STK39: variants seen among roughly 807,000 people sequenced by gnomAD.
The protein encoded by STK39 is STE20/SPS1-related proline-alanine-rich protein kinase.
A neutral mutation model predicts 77.8 loss-of-function variants in STK39; 20 were observed. The ratio of observed to expected loss-of-function variants is 0.26; its 90% CI spans 0.18 to 0.37. The LOEUF (loss-of-function observed/expected upper bound fraction) is 0.37. Among genes scored for constraint, STK39 ranks in the 10% least tolerant of loss-of-function variants. STK39 has a pLI of 1.00. For missense variants in STK39, 479 were observed against 656.5 expected (o/e 0.73, Z 2.95); for synonymous variants, 246 against 234.1 (o/e 1.05, Z -0.47).
At chr2:168,171,852 C>T (rs1414162341) in intron 2 of STK39, among the ~76,000 whole-genome samples, 1 of 110,156 alleles carries the variant, frequency 9.1e-6, no homozygotes, top group African/African-American at 4.4e-5. Context: ...ACGCCCCCCC[C>T]ACTCCCCCCT....
chr2:168,228,695 C>A (rs1690369457), intron 1 of STK39, among the ~76,000 whole-genome samples: 1 of 152,106 alleles, frequency 6.6e-6, no homozygotes, highest in Admixed American at 6.5e-5. Context: ...GAGGCTGAGG[C>A]AGGAGAATCA....
At chr2:168,134,504 C>A in intron 8 of STK39, among the ~76,000 whole-genome samples, 1 of 137,822 alleles carries the variant, frequency 7.3e-6, no homozygotes, top group South Asian at 2.3e-4. Flanking sequence ...ACATCATCCC[C>A]CTTGTTGCAA....
intron 16 of STK39, among the ~76,000 whole-genome samples, chr2:167,991,811 A>C (rs995409800): frequency 3.1e-4 from 47 of 152,118 alleles, no homozygotes; most frequent in Non-Finnish European, 1.2e-4. Flanking sequence ...ATGATCTTGT[A>C]TTAAACCTTT....
intron 10 of STK39, among the ~76,000 whole-genome samples, chr2:168,087,423 G>A (rs1221702222): frequency 1.3e-5 from 2 of 152,202 alleles, no homozygotes; most frequent in Non-Finnish European, 2.9e-5. Context: ...TTTGTTAGAC[G>A]TGATTAAGTC....
chr2:168,123,024 A>C (rs1687448531), intron 10 of STK39, among the ~76,000 whole-genome samples: 1 of 152,256 alleles, frequency 6.6e-6, no homozygotes, highest in Non-Finnish European at 1.5e-5. Context: ...GTAAAGGAAT[A>C]AATCAATACC....
intron 10 of STK39, among the ~76,000 whole-genome samples, chr2:168,108,587 C>A (rs1411801387): frequency 6.6e-6 from 1 of 151,582 alleles, no homozygotes; most frequent in Admixed American, 6.6e-5. Flanking sequence ...AAAAAAGAAA[C>A]GATGGGGTAC....
intron 1 of STK39, among the ~76,000 whole-genome samples, chr2:168,218,378 T>C (rs1690076684): frequency 6.6e-6 from 1 of 152,214 alleles, no homozygotes. Context: ...ACATGTATGA[T>C]CTTTTCCGCT....
At chr2:168,015,044 T>C (rs985648204) in intron 15 of STK39, among the ~76,000 whole-genome samples, 1 of 152,226 alleles carries the variant, frequency 6.6e-6, no homozygotes, top group Non-Finnish European at 1.5e-5. Flanking sequence ...TGCGTGCCAT[T>C]AGGCAATTAT....
Position 168,198,972 on chromosome 2 carries a change from C to T in STK39, c.209-16882G>A, listed in dbSNP as rs1689543294. On this transcript the variant is annotated intron_variant, in intron 1 of 17. Coordinates refer to ENST00000355999, the MANE Select transcript of STK39 (RefSeq NM_013233.3). ...GGCTTGCTAACTCCTCAATGCACAT[C>T]TAAAAAAGTTTCATATGCTTATGCA... is the stretch of plus-strand genomic sequence containing the variant. Among the ~76,000 whole-genome samples the T allele has an allele frequency of 2.0e-5, 3 of 152,292 alleles. No homozygotes were observed. The South Asian group carries it at 6.2e-4, about 32-fold the overall frequency.
At chr2:168,093,832 T>G (rs2105438372) in intron 10 of STK39, among the ~76,000 whole-genome samples, 1 of 152,288 alleles carries the variant, frequency 6.6e-6, no homozygotes, top group Non-Finnish European at 1.5e-5. Context: ...CAGCTCCTCA[T>G]TTGTGGGTGG....
chr2:168,094,312 A>C (rs1409209447), intron 10 of STK39, among the ~76,000 whole-genome samples: 2 of 152,190 alleles, frequency 1.3e-5, no homozygotes, highest in African/African-American at 4.8e-5. Flanking sequence ...TGAACAATAA[A>C]TGTGCACCAA....
chr2:168,100,196 A>T (rs1686784600), intron 10 of STK39, among the ~76,000 whole-genome samples: 1 of 152,186 alleles, frequency 6.6e-6, no homozygotes, highest in South Asian at 2.1e-4. Flanking sequence ...CTTGAAAATC[A>T]TTACAGCAGA....
At chr2:168,120,207 C>T (rs1283930509) in intron 10 of STK39, among the ~76,000 whole-genome samples, 2 of 152,164 alleles carry the variant, frequency 1.3e-5, no homozygotes, top group African/African-American at 4.8e-5. Context: ...ATATCTTATA[C>T]TCAGAACTTT....
At chr2:168,143,556 T>C (rs1169106487) in intron 5 of STK39, among the ~76,000 whole-genome samples, 1 of 151,896 alleles carries the variant, frequency 6.6e-6, no homozygotes, top group Non-Finnish European at 1.5e-5. Context: ...ACTAAAAAAA[T>C]ACAAAAAATC....
chr2:168,219,058 G>A (rs1690096620), intron 1 of STK39, among the ~76,000 whole-genome samples: 1 of 152,144 alleles, frequency 6.6e-6, no homozygotes. Context: ...TGGGCATTTA[G>A]GTGGAACCTT....
At chr2:168,199,925 C>T (rs1000266464) in intron 1 of STK39, among the ~76,000 whole-genome samples, 5 of 152,154 alleles carry the variant, frequency 3.3e-5, no homozygotes, top group African/African-American at 1.2e-4. Flanking sequence ...TCAGCCATAT[C>T]AAATATTGCT....
intron 14 of STK39, among the ~76,000 whole-genome samples, chr2:168,021,408 T>A (rs535786199): frequency 7.9e-5 from 12 of 152,290 alleles, no homozygotes; most frequent in Admixed American, 7.9e-4. Flanking sequence ...CCCATCAAGA[T>A]GAAATATAGT....
chr2:168,128,581 C>A (rs1177721008), intron 10 of STK39, among the ~76,000 whole-genome samples: 1 of 152,206 alleles, frequency 6.6e-6, no homozygotes, highest in South Asian at 2.1e-4. Context: ...GATACCTTCA[C>A]AGAATGGGAC....
At chr2:168,027,815 T>C (rs1369530931) in intron 14 of STK39, among the ~76,000 whole-genome samples, 1 of 152,200 alleles carries the variant, frequency 6.6e-6, no homozygotes, top group African/African-American at 2.4e-5. Flanking sequence ...GTTTGCGGCC[T>C]GCAGGGAGCA....
Sources: gnomAD v4.1 joint callset for allele counts (sites outside exome capture counted in the v4.1 genomes callset) on GRCh38, gnomAD v4.1.1 for gene constraint, MANE v1.5 for transcripts, NCBI Gene and HGNC (gene_info 2026-07-23, HGNC 2026-07-21) for gene names.